Variants in IKZF1 observed in about 807,000 individuals in gnomAD.
The protein encoded by IKZF1 is IKAROS family zinc finger 1, also known as DNA-binding protein Ikaros.
In IKZF1, 10 loss-of-function variants were observed where a neutral mutation model predicts 51.7. The ratio of observed to expected loss-of-function variants is 0.19; its 90% CI spans 0.12 to 0.33. IKZF1 has a LOEUF of 0.33. Ranked by LOEUF, IKZF1 falls within the 10% of genes least tolerant of loss-of-function variation. The pLI, the probability that IKZF1 is intolerant of heterozygous loss-of-function variation, is 1.00. For synonymous variants in IKZF1, 280 were observed against 282.3 expected, an observed-to-expected ratio of 0.99 and a Z score of 0.08; for missense variants, 484 against 707.5, an observed-to-expected ratio of 0.68 and a Z score of 3.58.
chr7:50,365,276 G>A (rs76060585), intron 3 of IKZF1, among the ~76,000 whole-genome samples: 3,482 of 152,324 alleles, frequency 0.023, 285 homozygotes, highest in East Asian at 0.16. Flanking sequence ...AAGTTTATGT[G>A]CCTGAACACG....
At chr7:50,338,329 CTT>C (rs1798263724) in intron 3 of IKZF1, among the ~76,000 whole-genome samples, 1 of 152,124 alleles carries the variant, frequency 6.6e-6, no homozygotes, top group African/African-American at 2.4e-5. Context: ...TAAAGAGATC[CTT>C]AGATTAAAAG....
Position 50,400,771 on chromosome 7 carries a change from T to A in IKZF1, c.*144T>A. The A allele has an allele frequency of 9.2e-7, 1 of 1,081,554 alleles. No individual in the cohort carries two copies. Among genetic ancestry groups the A allele is most frequent in the Non-Finnish European group, 1.3e-6 (1 of 769,052 alleles). 67.0% of individuals were successfully genotyped at this position (1,081,554 alleles called of 1,614,324 possible). ...ATTTGTAACTGTTTTTTGTTTTTTG[T>A]TTGAGTTGGTTGATTGGGGTTTGAT... On this transcript the variant is annotated 3_prime_UTR_variant, in exon 8 of 8. Transcript: ENST00000331340. This position sits in a 1 kb window ranked among gnomAD's most constrained non-coding sequence, Gnocchi z 5.4.
At chr7:50,367,962 C>T in intron 3 of IKZF1, 1 of 647,446 alleles carries the variant, frequency 1.5e-6, no homozygotes, top group Non-Finnish European at 2.8e-6. Context: ...TATACTCTCT[C>T]CTGGTATCAC....
intron 7 of IKZF1, 52 bp downstream of exon 7, chr7:50,391,915 A>G (rs1378858737): frequency 1.3e-6 from 2 of 1,561,060 alleles, no homozygotes; most frequent in East Asian, 2.3e-5. Flanking sequence ...TGGGTGTTTT[A>G]GATGCAAGTA....
chr7:50,379,405 G>A (rs777060386), intron 4 of IKZF1, among the ~76,000 whole-genome samples: 24 of 152,244 alleles, frequency 1.6e-4, no homozygotes, highest in Non-Finnish European at 2.8e-4. Context: ...CCACGTTGGT[G>A]AAGTACCACT....
At chr7:50,373,834 C>A (rs1314162944) in intron 3 of IKZF1, among the ~76,000 whole-genome samples, 1 of 152,180 alleles carries the variant, frequency 6.6e-6, no homozygotes, top group Non-Finnish European at 1.5e-5. Context: ...GGTCATTAAG[C>A]ACCATTGCCT....
intron 7 of IKZF1, among the ~76,000 whole-genome samples, chr7:50,397,530 G>A (rs1430080921): frequency 1.3e-5 from 2 of 152,218 alleles, no homozygotes; most frequent in African/African-American, 4.8e-5. Flanking sequence ...AGGTGGGAAA[G>A]CACCCTTTTG....
chr7:50,355,663 A>T (rs1803143152), intron 3 of IKZF1, among the ~76,000 whole-genome samples: 1 of 136,110 alleles, frequency 7.3e-6, no homozygotes, highest in Non-Finnish European at 1.6e-5. Flanking sequence ...ATGGAAAGAA[A>T]CAGTCCTCAG....
At chr7:50,389,977 T>C (rs1814561286) in intron 6 of IKZF1, among the ~76,000 whole-genome samples, 2 of 152,220 alleles carry the variant, frequency 1.3e-5, no homozygotes, top group Non-Finnish European at 2.9e-5. Context: ...AGTTAGGCAA[T>C]ATAGGAAAAG....
At chr7:50,356,700 G>A (rs1000425956) in intron 3 of IKZF1, among the ~76,000 whole-genome samples, 4 of 152,238 alleles carry the variant, frequency 2.6e-5, no homozygotes, top group East Asian at 1.9e-4. Context: ...GGTATCTCGC[G>A]GCGGCTTCCT....
At chr7:50,339,908 C>T (rs1798681515) in intron 3 of IKZF1, among the ~76,000 whole-genome samples, 1 of 152,114 alleles carries the variant, frequency 6.6e-6, no homozygotes, top group Admixed American at 6.5e-5. Flanking sequence ...TACTAAATTA[C>T]TATGATTTTT....
chr7:50,355,874 C>T (rs903663774), intron 3 of IKZF1, among the ~76,000 whole-genome samples: 2 of 152,196 alleles, frequency 1.3e-5, no homozygotes, highest in African/African-American at 2.4e-5. Context: ...GGAGGCCTCC[C>T]GGCTGTCCTG....
chr7:50,304,696 C>T (rs1452883911), upstream of IKZF1: 1 of 151,942 alleles, frequency 6.6e-6, no homozygotes, highest in East Asian at 1.9e-4. Flanking sequence ...GGAAGAGCTC[C>T]GCGGCCAAGT....
chr7:50,376,511 C>G lies in IKZF1; in HGVS notation c.161-22C>G. ...TTTTTTTTGCAATGACACTGAGTGGCCTCCTGTATTGTTTCTTTCAGCCAG... is the reference window on the plus strand; with the variant it reads ...TTTTTTTTGCAATGACACTGAGTGGGCTCCTGTATTGTTTCTTTCAGCCAG... On this transcript the variant is annotated intron_variant, in intron 3 of 7. Transcript: ENST00000331340. The surrounding 1 kb of genome is among the most constrained non-coding windows in gnomAD (Gnocchi z 4.5). 1 of 1,608,192 alleles carries G rather than the reference C, an allele frequency of 6.2e-7. No individual in the cohort carries two copies. The highest frequency in any genetic ancestry group is 8.5e-7 in the Non-Finnish European group (1 of 1,176,158).
chr7:50,367,318 G>A (rs1807237691), intron 3 of IKZF1, among the ~76,000 whole-genome samples: 1 of 143,680 alleles, frequency 7.0e-6, no homozygotes, highest in East Asian at 2.2e-4. Context: ...GATTGTGCGT[G>A]TGTGTGTGTG....
chr7:50,370,244 T>G (rs1317356410), intron 3 of IKZF1, among the ~76,000 whole-genome samples: 2 of 152,216 alleles, frequency 1.3e-5, no homozygotes, highest in Non-Finnish European at 2.9e-5. Context: ...GTACCAAACA[T>G]TTACTTTTTC....
chr7:50,318,793 G>T (rs557546828), intron 1 of IKZF1, among the ~76,000 whole-genome samples: 2 of 152,230 alleles, frequency 1.3e-5, no homozygotes, highest in South Asian at 4.1e-4. Context: ...TATGCAGTAG[G>T]AAATTAACAA....
intron 5 of IKZF1, 38 bp downstream of exon 5, chr7:50,382,745 T>A (rs1812202489): frequency 6.4e-7 from 1 of 1,571,972 alleles, no homozygotes. Context: ...TGTCTGGGTG[T>A]CCCGGGATTC....
At chr7:50,316,316 C>T (rs1283671397) in intron 1 of IKZF1, among the ~76,000 whole-genome samples, 1 of 152,220 alleles carries the variant, frequency 6.6e-6, no homozygotes, top group African/African-American at 2.4e-5. Context: ...CAACTGCACT[C>T]ATAAGCCCAT....
Sources: allele counts gnomAD v4.1 joint callset (sites outside exome capture counted in the v4.1 genomes callset), GRCh38; gene constraint gnomAD v4.1.1; non-coding constraint Gnocchi (gnomAD v3.1); transcripts MANE v1.5; gene names NCBI Gene and HGNC (gene_info 2026-07-23, HGNC 2026-07-21).